Variants in TCF4 observed in about 807,000 individuals in gnomAD.
The protein encoded by TCF4 is transcription factor 4, also known as SL3-3 enhancer factor 2.
TCF4 carries 3 observed loss-of-function variants against 82.1 expected under a neutral mutation model. The observed-to-expected ratio is 0.04, with a 90% CI of 0.02 to 0.09. TCF4 has a LOEUF of 0.09. Among genes scored for constraint, TCF4 ranks in the 10% least tolerant of loss-of-function variants. The pLI, the probability that TCF4 is intolerant of heterozygous loss-of-function variation, is 1.00. For synonymous variants in TCF4, 276 were observed against 309.6 expected (o/e 0.89, Z 1.14); for missense variants, 518 against 852.7 (o/e 0.61, Z 4.89).
chr18:55,518,144 T>C (rs1484651170), intron 3 of TCF4, among the ~76,000 whole-genome samples: 1 of 152,170 alleles, frequency 6.6e-6, no homozygotes, highest in East Asian at 1.9e-4. Context: ...GGTCTTTATA[T>C]GCAAAATCTC....
chr18:55,421,071 G>T (rs975584929), intron 5 of TCF4, among the ~76,000 whole-genome samples: 2 of 151,056 alleles, frequency 1.3e-5, no homozygotes, highest in Non-Finnish European at 3.0e-5. Flanking sequence ...CACAAAAAAA[G>T]AAATAAACTA....
chr18:55,622,015 T>TTATATACACTATATATTA (rs1568502008), intron 2 of TCF4, among the ~76,000 whole-genome samples: 11 of 131,398 alleles, frequency 8.4e-5, no homozygotes, highest in East Asian at 2.1e-4. Context: ...ACTATATATA[T>TTATATACACTATATATTA]TATATACACT....
At chr18:55,611,876 C>T (rs2097707365) in intron 2 of TCF4, among the ~76,000 whole-genome samples, 4 of 152,152 alleles carry the variant, frequency 2.6e-5, no homozygotes, top group Admixed American at 2.6e-4. Flanking sequence ...TCAAGCGATT[C>T]TCTTGCCTCA....
intron 15 of TCF4, among the ~76,000 whole-genome samples, 165 bp from the exon 16 acceptor site, chr18:55,234,848 G>A (rs1309614883): frequency 6.6e-6 from 1 of 152,096 alleles, no homozygotes; most frequent in African/African-American, 2.4e-5. Context: ...ATAGTTCCCG[G>A]CGAAAACACT....
chr18:55,317,309 C>G (rs1288452790), intron 8 of TCF4, among the ~76,000 whole-genome samples: 1 of 151,756 alleles, frequency 6.6e-6, no homozygotes, highest in Non-Finnish European at 1.5e-5. Flanking sequence ...GTGGCCTAAG[C>G]AAATTTTTGC....
chr18:55,430,543 G>A (rs556765176), intron 5 of TCF4, among the ~76,000 whole-genome samples: 1 of 152,224 alleles, frequency 6.6e-6, no homozygotes, highest in African/African-American at 2.4e-5. Flanking sequence ...AGATCACGCA[G>A]CTACTGAGCA....
chr18:55,504,487 A>G (rs905834519), intron 3 of TCF4, among the ~76,000 whole-genome samples: 2 of 152,242 alleles, frequency 1.3e-5, no homozygotes, highest in African/African-American at 4.8e-5. Context: ...AAGTATAGAC[A>G]CTGTAATTCT....
intron 2 of TCF4, among the ~76,000 whole-genome samples, chr18:55,621,403 C>A (rs2097717933): frequency 3.1e-5 from 2 of 64,686 alleles, no homozygotes; most frequent in South Asian, 5.4e-4. Context: ...ATATGGGGTA[C>A]TGCCTGATAT....
intron 8 of TCF4, among the ~76,000 whole-genome samples, chr18:55,307,114 C>T (rs1196406373): frequency 6.6e-6 from 1 of 151,878 alleles, no homozygotes; most frequent in East Asian, 1.9e-4. Flanking sequence ...TTTTTATCCA[C>T]AATTCTGATT....
chr18:55,401,249 TG>T, intron 6 of TCF4: 2 of 1,188,888 alleles, frequency 1.7e-6, no homozygotes, highest in Non-Finnish European at 2.1e-6. Context: ...ATTTTCCCTC[TG>T]TCAGCAAATT....
At chr18:55,263,425 TGA>T (rs1263380307) in intron 11 of TCF4, among the ~76,000 whole-genome samples, 3 of 152,050 alleles carry the variant, frequency 2.0e-5, no homozygotes. Flanking sequence ...AGTGTGAAAA[TGA>T]GAAGAATTTC....
chr18:55,355,166 A>T (rs927146005), intron 6 of TCF4, among the ~76,000 whole-genome samples: 11 of 152,300 alleles, frequency 7.2e-5, no homozygotes, highest in African/African-American at 2.6e-4. Context: ...TTAAAATGTT[A>T]ATATGGAAAA....
chr18:55,443,886 A>G (rs1470609418), intron 5 of TCF4, among the ~76,000 whole-genome samples: 2 of 152,242 alleles, frequency 1.3e-5, no homozygotes, highest in Non-Finnish European at 2.9e-5. Context: ...TCCTCTATGC[A>G]TTATACATGC....
intron 15 of TCF4, among the ~76,000 whole-genome samples, chr18:55,245,564 T>A (rs940094082): frequency 6.6e-6 from 1 of 152,232 alleles, no homozygotes; most frequent in African/African-American, 2.4e-5. Flanking sequence ...TTTCACCCAA[T>A]GCAGCCCTGG....
chr18:55,289,801 T>C (rs1192108647), intron 8 of TCF4, among the ~76,000 whole-genome samples: 1 of 152,186 alleles, frequency 6.6e-6, no homozygotes, highest in African/African-American at 2.4e-5. Flanking sequence ...TGATTGTTAT[T>C]TCTTCTATAC....
chr18:55,516,521 A>C (rs1160041856), intron 3 of TCF4, among the ~76,000 whole-genome samples: 2 of 152,132 alleles, frequency 1.3e-5, no homozygotes, highest in Non-Finnish European at 2.9e-5. Context: ...CTTGAGACAC[A>C]GAGCAGGATG....
intron 5 of TCF4, among the ~76,000 whole-genome samples, chr18:55,438,019 G>C (rs2095365099): frequency 6.6e-6 from 1 of 152,070 alleles, no homozygotes; most frequent in Non-Finnish European, 1.5e-5. Context: ...TGGCCAACAT[G>C]GTGAAACCCC....
intron 6 of TCF4, among the ~76,000 whole-genome samples, chr18:55,390,823 A>T (rs374911147): frequency 2.6e-5 from 4 of 152,248 alleles, no homozygotes; most frequent in East Asian, 3.8e-4. Flanking sequence ...CATTAAGAAC[A>T]TGTTCTTTCG....
At chr18:55,373,597 G>A (rs1009494075) in intron 6 of TCF4, among the ~76,000 whole-genome samples, 7 of 152,082 alleles carry the variant, frequency 4.6e-5, no homozygotes, top group African/African-American at 1.7e-4. Context: ...AAGATCAGTT[G>A]AGGTCAGGAA....
Sources: gnomAD v4.1 joint callset for allele counts (sites outside exome capture counted in the v4.1 genomes callset) on GRCh38, gnomAD v4.1.1 for gene constraint, MANE v1.5 for transcripts, NCBI Gene and HGNC (gene_info 2026-07-23, HGNC 2026-07-21) for gene names.